SLC45A2: variants seen among roughly 807,000 people sequenced by gnomAD.
SLC45A2 encodes membrane-associated transporter protein.
In SLC45A2, 36 loss-of-function variants were observed where a neutral mutation model predicts 45.5. The ratio of observed to expected loss-of-function variants is 0.79; its 90% CI spans 0.61 to 1.04. SLC45A2 has a LOEUF of 1.04. Among genes scored for constraint, SLC45A2 ranks in the 50% least tolerant of loss-of-function variants. The pLI is 0.00. For missense variants in SLC45A2, 719 were observed against 671.0 expected, an observed-to-expected ratio of 1.07 and a Z score of -0.79; for synonymous variants, 306 against 269.3, an observed-to-expected ratio of 1.14 and a Z score of -1.33.
intron 2 of SLC45A2, among the ~76,000 whole-genome samples, chr5:33,980,803 A>C (rs1351532395): frequency 6.6e-6 from 1 of 152,240 alleles, no homozygotes; most frequent in Non-Finnish European, 1.5e-5. Flanking sequence ...CCCAATAAGG[A>C]TGAGGAGAAA....
chr5:33,951,810 G>T, intron 4 of SLC45A2, 133 bp from the exon 5 acceptor site: 1 of 1,095,930 alleles, frequency 9.1e-7, no homozygotes, highest in Non-Finnish European at 1.4e-6. Flanking sequence ...CAGAGCTGAT[G>T]CTGTCATGAC....
intron 4 of SLC45A2, 54 bp from the exon 5 acceptor site, chr5:33,951,731 T>C: frequency 6.2e-7 from 1 of 1,610,812 alleles, no homozygotes; most frequent in South Asian, 1.1e-5. Context: ...GTAAGAACCC[T>C]TCTCATGCAC....
chr5:33,976,386 G>C (rs1173561007), intron 2 of SLC45A2, among the ~76,000 whole-genome samples: 2 of 152,228 alleles, frequency 1.3e-5, no homozygotes, highest in Non-Finnish European at 2.9e-5. Flanking sequence ...ATGGTGTAAT[G>C]AGTATGATTA....
At position 33,973,307 on chromosome 5, in the gene SLC45A2, A is replaced by G. The variant is rs1340247767; in HGVS notation, c.562+8929T>C. Among the ~76,000 whole-genome samples the G allele has an allele frequency of 1.3e-5, 2 of 152,168 alleles. 1 individual carries two copies. Among genetic ancestry groups the G allele is most frequent in the Non-Finnish European group, 2.9e-5 (2 of 68,034 alleles). On this transcript the variant is annotated intron_variant, in intron 2 of 6. Transcript: ENST00000296589. ...GACTTAATCACCCTAAATTGCATAA[A>G]TCACCCTTTTTATCCACAAGCTGAA... is the stretch of plus-strand genomic sequence containing the variant.
At chr5:33,951,415 G>A (rs2111914330) in intron 5 of SLC45A2, 139 bp downstream of exon 5, 1 of 1,586,142 alleles carries the variant, frequency 6.3e-7, no homozygotes, top group East Asian at 2.2e-5. Context: ...TTTTTAAGGT[G>A]ATAGTTTTTC....
chr5:33,960,079 T>G (rs1752403576), intron 3 of SLC45A2, among the ~76,000 whole-genome samples: 1 of 152,130 alleles, frequency 6.6e-6, no homozygotes, highest in Non-Finnish European at 1.5e-5. Context: ...GTATCCTAGA[T>G]TGGATCAGAA....
Position 33,947,337 on chromosome 5 carries a change from CT to C in SLC45A2, c.1193del (p.Lys398ArgfsTer36). The C allele has an allele frequency of 6.2e-7, 1 of 1,614,230 alleles. No individual in the cohort carries two copies. The highest frequency in any genetic ancestry group is 8.5e-7 in the Non-Finnish European group (1 of 1,180,048). On this transcript the variant is annotated frameshift_variant, in exon 6 of 7. Coordinates refer to ENST00000296589, the MANE Select transcript of SLC45A2 (RefSeq NM_016180.5). LOFTEE classifies it high-confidence loss of function. The stretch of plus-strand genomic sequence containing the variant: ...GCAAATATCCCGTGAAGTAAAGACC[CT>C]TTAATCCAATGTAGGATACCAAAAC... The part of the protein sequence containing the change: ...QKVLVSYIGL[K>X]GLYFTGYLLF...
intron 5 of SLC45A2, among the ~76,000 whole-genome samples, chr5:33,950,806 C>T (rs1039301171): frequency 1.3e-5 from 2 of 152,208 alleles, no homozygotes; most frequent in Non-Finnish European, 2.9e-5. Context: ...TTTATAGGAG[C>T]TCTTTATAAT....
chr5:33,954,996 A>G (rs375836431), intron 3 of SLC45A2, among the ~76,000 whole-genome samples: 10 of 152,306 alleles, frequency 6.6e-5, no homozygotes, highest in East Asian at 3.9e-4. Flanking sequence ...ATATATTAAT[A>G]ATTAAGGTTA....
chr5:33,947,460 C>T, intron 5 of SLC45A2, 86 bp from the exon 6 acceptor site: 5 of 1,283,600 alleles, frequency 3.9e-6, no homozygotes, highest in Non-Finnish European at 5.6e-6. Context: ...TCTGAAGATT[C>T]ACCTTTTTAG....
chr5:33,946,689 G>A (rs1036272790), intron 6 of SLC45A2: 2 of 1,038,150 alleles, frequency 1.9e-6, no homozygotes, highest in African/African-American at 3.4e-5. Context: ...CCATTGCCTA[G>A]GACTTTCCTA....
intron 2 of SLC45A2, chr5:33,971,420 C>G (rs1015732962): frequency 2.9e-5 from 13 of 447,086 alleles, no homozygotes; most frequent in Non-Finnish European, 8.6e-6. Context: ...TGCTGGCCAG[C>G]TGGACTGCAA....
chr5:33,968,556 T>C (rs1171915639), intron 2 of SLC45A2, among the ~76,000 whole-genome samples: 1 of 152,268 alleles, frequency 6.6e-6, no homozygotes, highest in Non-Finnish European at 1.5e-5. Flanking sequence ...ACAGATGTCA[T>C]ATTTCATAAC....
chr5:33,972,368 T>C (rs1752809875), intron 2 of SLC45A2: 1 of 381,064 alleles, frequency 2.6e-6, no homozygotes, highest in South Asian at 2.4e-5. Context: ...ACATATTGAT[T>C]TGCCAAATGA....
At chr5:33,970,888 T>C (rs1752757009) in intron 2 of SLC45A2, 2 of 363,126 alleles carry the variant, frequency 5.5e-6, no homozygotes, top group Non-Finnish European at 1.1e-5. Context: ...GATAAGATAT[T>C]TCAGGACTAC....
chr5:33,970,007 G>A (rs77974291), intron 2 of SLC45A2, among the ~76,000 whole-genome samples: 3,707 of 152,262 alleles, frequency 0.024, 115 homozygotes, highest in African/African-American at 0.082. Context: ...ACCGTGAAGC[G>A]TTTTGCAAAA....
At chr5:33,974,045 C>T (rs143654707) in intron 2 of SLC45A2, among the ~76,000 whole-genome samples, 4 of 152,338 alleles carry the variant, frequency 2.6e-5, no homozygotes, top group Non-Finnish European at 4.4e-5. Flanking sequence ...CTGCTAAGAA[C>T]AGCAAAGTCT....
chr5:33,964,001 A>C lies in SLC45A2; in HGVS notation c.578T>G (p.Leu193Arg), dbSNP rs797045970. 6.2e-7 allele frequency: 1 copy of C among 1,613,842 alleles called. No homozygotes were observed. The highest frequency in any genetic ancestry group is 1.3e-5 in the African/African-American group (1 of 74,944). ...HALFTGFGGA[L>R]GYLLGAIDWA... ...GTCTATAGCACCCAAAAGGTAACCC[A>C]GGGCACCTCCAAAACCTGGAAAGCA... Residue 193 changes from leucine to arginine, a missense_variant, in exon 3 of 7, where the codon CTG becomes CGG. Transcript: ENST00000296589.
chr5:33,984,614 C>T lies in SLC45A2; in HGVS notation c.-31G>A. ...CTGGGAGAGGAACCTTCCTGCGAGC[C>T]CACCACCTCCTGCGTGGTCCTAGGG... On this transcript the variant is annotated 5_prime_UTR_variant, in exon 1 of 7. Transcript: ENST00000296589. 6.2e-7 allele frequency: 1 copy of T among 1,604,772 alleles called. No homozygotes were observed. The highest frequency in any genetic ancestry group is 8.5e-7 in the Non-Finnish European group (1 of 1,179,948).
Sources: allele counts gnomAD v4.1 joint callset (sites outside exome capture counted in the v4.1 genomes callset), GRCh38; gene constraint gnomAD v4.1.1; transcripts MANE v1.5; gene names NCBI Gene and HGNC (gene_info 2026-07-23, HGNC 2026-07-21).